The following STXBP4 variants were observed in gnomAD, a reference collection of about 807,000 sequenced individuals.
STXBP4 encodes syntaxin binding protein 4, also known as syntaxin-binding protein 4.
Under a neutral mutation model 76.1 loss-of-function variants are expected in STXBP4, and 55 were observed. The observed-to-expected ratio is 0.72, with a 90% CI of 0.58 to 0.91. The LOEUF (loss-of-function observed/expected upper bound fraction) is 0.91. Among genes scored for constraint, STXBP4 ranks in the 40% least tolerant of loss-of-function variants. The pLI, the probability that STXBP4 is intolerant of heterozygous loss-of-function variation, is 0.00. For synonymous variants in STXBP4, 201 were observed against 220.2 expected, an observed-to-expected ratio of 0.91 and a Z score of 0.77; for missense variants, 618 against 636.9, an observed-to-expected ratio of 0.97 and a Z score of 0.32.
chr17:55,135,054 G>T (rs1002206601), intron 16 of STXBP4, among the ~76,000 whole-genome samples: 3 of 152,080 alleles, frequency 2.0e-5, no homozygotes, highest in African/African-American at 7.2e-5. Flanking sequence ...AAAAAATACT[G>T]AATTTTGCAT....
chr17:55,114,340 C>T (rs1485079961), intron 16 of STXBP4, among the ~76,000 whole-genome samples: 1 of 151,996 alleles, frequency 6.6e-6, no homozygotes, highest in Non-Finnish European at 1.5e-5. Context: ...AGTATGCCCT[C>T]ATATTTAAGT....
At chr17:55,175,736 T>C (rs1217922964), downstream of STXBP4, among the ~76,000 whole-genome samples, 2 of 152,184 alleles carry the variant, frequency 1.3e-5, no homozygotes. Context: ...CTGCCAGAGC[T>C]GTAGTTGCAG....
chr17:54,986,956 TC>T (rs2077635231), intron 3 of STXBP4, among the ~76,000 whole-genome samples: 1 of 152,198 alleles, frequency 6.6e-6, no homozygotes, highest in Non-Finnish European at 1.5e-5. Context: ...GGTCTGTCAT[TC>T]TTCAGGAGGC....
intron 17 of STXBP4, among the ~76,000 whole-genome samples, chr17:55,149,271 G>A (rs1002567295): frequency 1.3e-5 from 2 of 152,260 alleles, no homozygotes; most frequent in East Asian, 1.9e-4. Flanking sequence ...GTATTTGTAG[G>A]GATGATAAAT....
the STXBP4 span, among the ~76,000 whole-genome samples, chr17:55,187,551 A>C: frequency 2.6e-5 from 4 of 152,174 alleles, no homozygotes; most frequent in African/African-American, 9.7e-5. Flanking sequence ...GATGGATGAT[A>C]TAGCATCCTG....
At chr17:55,147,311 A>G (rs572123511) in intron 17 of STXBP4, among the ~76,000 whole-genome samples, 3 of 152,288 alleles carry the variant, frequency 2.0e-5, no homozygotes, top group African/African-American at 7.2e-5. Flanking sequence ...CGCAACCTCA[A>G]TCCTTTGCAT....
chr17:55,077,290 G>A (rs1171177662), intron 13 of STXBP4, among the ~76,000 whole-genome samples: 1 of 152,122 alleles, frequency 6.6e-6, no homozygotes, highest in Admixed American at 6.6e-5. Context: ...AGAGTTTTGA[G>A]TTTGCTTCTG....
intron 16 of STXBP4, among the ~76,000 whole-genome samples, chr17:55,125,298 G>A (rs2079897383): frequency 6.6e-6 from 1 of 151,956 alleles, no homozygotes; most frequent in African/African-American, 2.4e-5. Flanking sequence ...CTATGGCAAA[G>A]CTCTGAAACC....
At chr17:55,153,703 A>G (rs1489313317) in intron 17 of STXBP4, among the ~76,000 whole-genome samples, 5 of 152,234 alleles carry the variant, frequency 3.3e-5, no homozygotes, top group Non-Finnish European at 7.3e-5. Flanking sequence ...CTATTTTAAT[A>G]AGAACACTAA....
intron 16 of STXBP4, among the ~76,000 whole-genome samples, chr17:55,129,365 T>A (rs1392756923): frequency 6.6e-6 from 1 of 152,166 alleles, no homozygotes; most frequent in African/African-American, 2.4e-5. Flanking sequence ...AATAGAAAAC[T>A]ATTTTTTTAA....
chr17:55,005,869 T>A (rs537525077), intron 7 of STXBP4, among the ~76,000 whole-genome samples: 2 of 152,190 alleles, frequency 1.3e-5, no homozygotes, highest in Non-Finnish European at 2.9e-5. Context: ...CACTCCATGC[T>A]ATCTTTATAC....
At chr17:55,207,444 C>G in the STXBP4 span, among the ~76,000 whole-genome samples, 1 of 152,164 alleles carries the variant, frequency 6.6e-6, no homozygotes, top group African/African-American at 2.4e-5. Context: ...CCATTTCCTC[C>G]CACACAGGAA....
At chr17:55,094,869 G>C (rs1031748586) in intron 16 of STXBP4, among the ~76,000 whole-genome samples, 6 of 152,192 alleles carry the variant, frequency 3.9e-5, no homozygotes, top group Non-Finnish European at 8.8e-5. Context: ...GATGTTCCTA[G>C]TGTTTAACAT....
intron 8 of STXBP4, among the ~76,000 whole-genome samples, chr17:55,009,371 C>A (rs1466201921): frequency 6.6e-6 from 1 of 152,164 alleles, no homozygotes; most frequent in African/African-American, 2.4e-5. Flanking sequence ...GTATACATTT[C>A]TGAACATCCA....
At chr17:54,978,341 A>G (rs2077500027) in intron 1 of STXBP4, among the ~76,000 whole-genome samples, 1 of 99,550 alleles carries the variant, frequency 1.0e-5, no homozygotes, top group Non-Finnish European at 2.2e-5. Flanking sequence ...AAAACATGAA[A>G]TATATGTACT....
chr17:55,077,777 A>G (rs1436539689), intron 13 of STXBP4, among the ~76,000 whole-genome samples: 1 of 150,964 alleles, frequency 6.6e-6, no homozygotes, highest in African/African-American at 2.4e-5. Context: ...TTCTGTCAGC[A>G]TCTGGTAAGA....
chr17:54,992,519 CA>C (rs915637765), intron 4 of STXBP4, among the ~76,000 whole-genome samples: 3 of 150,140 alleles, frequency 2.0e-5, no homozygotes, highest in South Asian at 2.1e-4. Flanking sequence ...TAAACAAATT[CA>C]AAAAAACAAA....
intron 7 of STXBP4, among the ~76,000 whole-genome samples, chr17:55,001,254 A>C (rs892948226): frequency 6.6e-6 from 1 of 152,236 alleles, no homozygotes; most frequent in African/African-American, 2.4e-5. Flanking sequence ...AAAACACATT[A>C]TAGAAGGGAG....
intron 9 of STXBP4, among the ~76,000 whole-genome samples, chr17:55,031,792 G>A (rs1409711337): frequency 6.6e-6 from 1 of 152,010 alleles, no homozygotes; most frequent in African/African-American, 2.4e-5. Context: ...CCACATATGT[G>A]GCTTTTCCAA....
Sources: gnomAD v4.1 joint callset for allele counts (sites outside exome capture counted in the v4.1 genomes callset) on GRCh38, gnomAD v4.1.1 for gene constraint, MANE v1.5 for transcripts, NCBI Gene and HGNC (gene_info 2026-07-23, HGNC 2026-07-21) for gene names.